The following PTH1R variants were observed in gnomAD, a reference collection of about 807,000 sequenced individuals.
The protein encoded by PTH1R is parathyroid hormone/parathyroid hormone-related peptide receptor.
PTH1R carries 32 observed loss-of-function variants against 70.7 expected under a neutral mutation model. The observed-to-expected ratio is 0.45, with a 90% CI of 0.34 to 0.61. The LOEUF (loss-of-function observed/expected upper bound fraction) is 0.61, where lower values mean the gene tolerates loss of function less well. Among genes scored for constraint, PTH1R ranks in the 20% least tolerant of loss-of-function variants. The pLI, the probability that PTH1R is intolerant of heterozygous loss-of-function variation, is 0.01. For synonymous variants in PTH1R, 329 were observed against 324.8 expected, an observed-to-expected ratio of 1.01 and a Z score of -0.14; for missense variants, 626 against 792.5, an observed-to-expected ratio of 0.79 and a Z score of 2.52.
In PTH1R at chr3:46,891,662, A is replaced by C. The variant is rs2031420923; in HGVS notation, c.76-2245A>C. Among the ~76,000 whole-genome samples the C allele has an allele frequency of 6.6e-6, 1 of 152,172 alleles. No individual in the cohort carries two copies. Among genetic ancestry groups the C allele is most frequent in the Admixed American group, 6.6e-5 (1 of 15,266 alleles). ...AGATGGTAGTTGTTGGGCAGGTGGC[A>C]GTATTGCTGATGGTGCTAATGTTGC... On this transcript the variant is annotated intron_variant, in intron 3 of 15. Coordinates refer to ENST00000449590, the MANE Select transcript of PTH1R (RefSeq NM_000316.3). The surrounding 1 kb of genome is among the most constrained non-coding windows in gnomAD (Gnocchi z 4.3).
At chr3:46,888,088 G>T (rs1313253201) in intron 3 of PTH1R, among the ~76,000 whole-genome samples, 1 of 152,140 alleles carries the variant, frequency 6.6e-6, no homozygotes, top group African/African-American at 2.4e-5. Flanking sequence ...AACCAGGAGG[G>T]CCTCTCTGCC....
chr3:46,894,068 G>A (rs1322344720), intron 4 of PTH1R, 59 bp downstream of exon 4: 1 of 1,549,654 alleles, frequency 6.5e-7, no homozygotes, highest in Non-Finnish European at 8.9e-7. Flanking sequence ...GGCCAGTCAA[G>A]GGCGGGACCC....
chr3:46,901,533 T>G lies in PTH1R; in HGVS notation c.1116+53T>G, dbSNP rs2032118573. On this transcript the variant is annotated intron_variant, in intron 12 of 15. Coordinates refer to ENST00000449590, the MANE Select transcript of PTH1R (RefSeq NM_000316.3). The surrounding 1 kb of genome is among the most constrained non-coding windows in gnomAD (Gnocchi z 7.3). ...GGGGTGGGTGGGATGTGCGCCTGCGTCCCCTGGAACCAGCCCCTGACAGGG... is the reference window on the plus strand; with the variant it reads ...GGGGTGGGTGGGATGTGCGCCTGCGGCCCCTGGAACCAGCCCCTGACAGGG... 6.5e-7 allele frequency: 1 copy of G among 1,546,210 alleles called. No homozygotes were observed. Among genetic ancestry groups the G allele is most frequent in the East Asian group, 2.4e-5 (1 of 40,986 alleles).
At chr3:46,885,714 AT>A (rs2030975854) in intron 3 of PTH1R, among the ~76,000 whole-genome samples, 2 of 152,166 alleles carry the variant, frequency 1.3e-5, no homozygotes, top group Non-Finnish European at 2.9e-5. Flanking sequence ...GGGCCAGAAG[AT>A]TGGGACTGAA....
rs1392927338 is a variant in PTH1R, at chr3:46,882,160, C to G, written c.-49+1042C>G. The G allele has an allele frequency of 6.6e-6, 1 of 151,132 alleles. No homozygotes were observed. Among genetic ancestry groups the G allele is most frequent in the Non-Finnish European group, 1.5e-5 (1 of 67,602 alleles). The allele number at this position is 151,132 out of a possible 1,614,324, so 9.4% of individuals were successfully genotyped here. On this transcript the variant is annotated intron_variant, in intron 2 of 15. Transcript: ENST00000449590. This position sits in a 1 kb window ranked among gnomAD's most constrained non-coding sequence, Gnocchi z 4.3. ...GAAGGCTCCTCTCGGCCTCTCCACA[C>G]TCCCGCGTCGGCGGCTGCGGAGGGG...
chr3:46,894,600 C>G (rs761647142), intron 4 of PTH1R, among the ~76,000 whole-genome samples: 8 of 152,228 alleles, frequency 5.3e-5, no homozygotes, highest in East Asian at 1.9e-4. Context: ...AGGAGCCTCT[C>G]TTTGCCCCTC....
chr3:46,878,358 C>T (rs375293517), intron 1 of PTH1R, among the ~76,000 whole-genome samples: 13 of 152,236 alleles, frequency 8.5e-5, no homozygotes, highest in African/African-American at 3.1e-4. Flanking sequence ...GCCTAGAAGC[C>T]GAGAGAGGTC....
rs1438233046 is a variant in PTH1R at position 46,883,998 on chromosome 3, G to A, written c.75+364G>A. 6.6e-6 allele frequency among the ~76,000 whole-genome samples: 1 copy of A among 152,196 alleles called. No homozygotes were observed. The highest frequency in any genetic ancestry group is 6.5e-5 in the Admixed American group (1 of 15,294). ...TGCGTACTCCCACAGACTTTGCTTT[G>A]GGGACCTCTGTTTTCTGCAAGTTTT... On this transcript the variant is annotated intron_variant, in intron 3 of 15. Transcript: ENST00000449590. The surrounding 1 kb of genome is among the most constrained non-coding windows in gnomAD (Gnocchi z 6.4).
intron 4 of PTH1R, 165 bp from the exon 5 acceptor site, chr3:46,895,570 A>G: frequency 2.3e-6 from 1 of 440,882 alleles, no homozygotes; most frequent in Non-Finnish European, 3.0e-6. Context: ...ACACTTTGTT[A>G]AACACCTCCT....
Position 46,898,074 on chromosome 3 carries a change from G to C in PTH1R, c.425G>C (p.Gly142Ala), listed in dbSNP as rs199757346. The C allele has an allele frequency of 6.2e-7, 1 of 1,614,172 alleles. No individual in the cohort carries two copies. Among genetic ancestry groups the C allele is most frequent in the East Asian group, 2.2e-5 (1 of 44,880 alleles). Residue 142 changes from glycine to alanine, a missense_variant and splice_region_variant, in exon 7 of 16, where the codon GGC becomes GCC. This residue lies in a region of PTH1R where 495 missense variants were observed against 638.7 expected (regional missense o/e 0.77). Transcript: ENST00000449590. ...PDYIYDFNHK[G>A]HAYRRCDRNG... ...GCCCTGACCTCCCATGGACCTGCAG[G>C]CCATGCCTACCGACGCTGTGACCGC...
At position 46,903,142 on chromosome 3, in the gene PTH1R, C is replaced by T; in HGVS notation, c.1396-128C>T. 2 of 1,507,714 alleles carry T rather than the reference C, an allele frequency of 1.3e-6. 1 individual carries two copies. The allele number at this position is 1,507,714 out of a possible 1,614,324, so 93.4% of individuals were successfully genotyped here. ...ACCCTGTTGTGAGGATGGGATTTCA[C>T]TTGGCCTTGGAGTTTCCCAGGAGTC... On this transcript the variant is annotated intron_variant, in intron 15 of 15. Transcript: ENST00000449590. The surrounding 1 kb of genome is among the most constrained non-coding windows in gnomAD (Gnocchi z 4.4).
At position 46,883,709 on chromosome 3, in the gene PTH1R, C is replaced by T. The variant is rs2030823074; in HGVS notation, c.75+75C>T. On this transcript the variant is annotated intron_variant, in intron 3 of 15. Coordinates refer to ENST00000449590, the MANE Select transcript of PTH1R (RefSeq NM_000316.3). This position sits in a 1 kb window ranked among gnomAD's most constrained non-coding sequence, Gnocchi z 6.4. ...GGGTCCGCGGGATAGGTCTAAGGCA[C>T]GCAGTCTTGAGTTCCCCCAGTAGTT... is the stretch of plus-strand genomic sequence containing the variant. 6 of 1,514,210 alleles carry T rather than the reference C, an allele frequency of 4.0e-6. No homozygotes were observed. The highest frequency in any genetic ancestry group is 4.5e-6 in the Non-Finnish European group (5 of 1,122,530). 93.8% of individuals were successfully genotyped at this position (1,514,210 alleles called of 1,614,324 possible). A position where few individuals can be genotyped will look rare whatever the true frequency, so the allele number is the denominator to read the frequency against.
chr3:46,894,500 C>T (rs1424318769), intron 4 of PTH1R, among the ~76,000 whole-genome samples: 5 of 152,152 alleles, frequency 3.3e-5, no homozygotes, highest in Non-Finnish European at 5.9e-5. Context: ...CCAACAGTGG[C>T]TCCCAGTCAC....
chr3:46,902,490 T>C lies in PTH1R; in HGVS notation c.1212-36T>C. ...GGCACAATGCTTGTTGAAGGGGAAG[T>C]GGCTTGGCCCTGACCTACCTGCCCC... On this transcript the variant is annotated intron_variant, in intron 13 of 15. Coordinates refer to ENST00000449590, the MANE Select transcript of PTH1R (RefSeq NM_000316.3). This position sits in a 1 kb window ranked among gnomAD's most constrained non-coding sequence, Gnocchi z 5.4. 1 of 1,605,112 alleles carries C rather than the reference T, an allele frequency of 6.2e-7. No individual in the cohort carries two copies. The highest frequency in any genetic ancestry group is 8.5e-7 in the Non-Finnish European group (1 of 1,176,882).
At position 46,902,634 on chromosome 3, in the gene PTH1R, G is replaced by A. The variant is rs1575526100; in HGVS notation, c.1320G>A (p.Gln440=). The A allele has an allele frequency of 2.5e-6, 4 of 1,614,104 alleles. No individual in the cohort carries two copies. Among genetic ancestry groups the A allele is most frequent in the African/African-American group, 2.7e-5 (2 of 75,042 alleles). Residue 440 remains glutamine, a synonymous_variant, in exon 14 of 16, where the codon CAG becomes CAA. Coordinates refer to ENST00000449590, the MANE Select transcript of PTH1R (RefSeq NM_000316.3). The surrounding 1 kb of genome is among the most constrained non-coding windows in gnomAD (Gnocchi z 5.4). ...TCTCAGGGACGCTCTGGCAAGTCCA[G>A]ATGCACTATGAGATGCTCTTCAACT... ...TEVSGTLWQV[Q]MHYEMLFNSF...
At chr3:46,885,483 A>T (rs1361755801) in intron 3 of PTH1R, among the ~76,000 whole-genome samples, 1 of 152,172 alleles carries the variant, frequency 6.6e-6, no homozygotes, top group Non-Finnish European at 1.5e-5. Flanking sequence ...ACACAACCAC[A>T]ATGACCATTA....
At position 46,892,855 on chromosome 3, in the gene PTH1R, C is replaced by G; in HGVS notation, c.76-1052C>G. 2.1e-6 allele frequency: 2 copies of G among 934,890 alleles called. No homozygotes were observed. The highest frequency in any genetic ancestry group is 2.6e-6 in the Non-Finnish European group (2 of 783,388). 57.9% of individuals were successfully genotyped at this position (934,890 alleles called of 1,614,324 possible). On this transcript the variant is annotated intron_variant, in intron 3 of 15. Transcript: ENST00000449590. The surrounding 1 kb of genome is among the most constrained non-coding windows in gnomAD (Gnocchi z 5.2). ...GGTCGTCTCAGGGGACATACCCCTG[C>G]CCAGGGGTCTGAGGAAACACGACCC...
chr3:46,899,146 C>T (rs2031956454), intron 9 of PTH1R, among the ~76,000 whole-genome samples, 157 bp from the exon 10 acceptor site: 1 of 152,146 alleles, frequency 6.6e-6, no homozygotes, highest in South Asian at 2.1e-4. Context: ...CCCCTGACAC[C>T]GCATCCCCCT....
chr3:46,888,071 C>T (rs1272880051), intron 3 of PTH1R, among the ~76,000 whole-genome samples: 2 of 152,172 alleles, frequency 1.3e-5, no homozygotes, highest in African/African-American at 4.8e-5. Context: ...TATACAACAC[C>T]AAGACCAACC....
Sources: allele counts gnomAD v4.1 joint callset (sites outside exome capture counted in the v4.1 genomes callset), GRCh38; gene constraint gnomAD v4.1.1; regional missense constraint gnomAD v4.1.1; non-coding constraint Gnocchi (gnomAD v3.1); transcripts MANE v1.5; gene names NCBI Gene and HGNC (gene_info 2026-07-23, HGNC 2026-07-21).